Variants in CACNA1C observed in about 807,000 individuals in gnomAD.
The protein encoded by CACNA1C is voltage-dependent L-type calcium channel subunit alpha-1C.
A neutral mutation model predicts 229.0 loss-of-function variants in CACNA1C; 30 were observed. The observed-to-expected ratio is 0.13, with a 90% confidence interval of 0.10 to 0.18. The LOEUF is 0.18. Ranked by LOEUF, CACNA1C falls within the 10% of genes least tolerant of loss-of-function variation. The pLI, the probability that CACNA1C is intolerant of heterozygous loss-of-function variation, is 1.00. For synonymous variants in CACNA1C, 1,114 were observed against 1,132.5 expected (o/e 0.98, Z 0.33); for missense variants, 1,658 against 2,845.0 (o/e 0.58, Z 9.49).
chr12:2,414,911 G>T (rs1432397209), intron 3 of CACNA1C, among the ~76,000 whole-genome samples: 2 of 152,162 alleles, frequency 1.3e-5, no homozygotes, highest in African/African-American at 4.8e-5. Context: ...CTGGCCCAAA[G>T]GCCAGTTCTT....
chr12:2,624,196 G>A (rs1363232495), intron 29 of CACNA1C, among the ~76,000 whole-genome samples: 1 of 152,206 alleles, frequency 6.6e-6, no homozygotes, highest in African/African-American at 2.4e-5. Flanking sequence ...GTGTTCTACA[G>A]AACACAGTTC....
At chr12:2,120,616 T>C (rs562683654) in intron 3 of CACNA1C, among the ~76,000 whole-genome samples, 186 bp downstream of exon 3, 322 of 152,060 alleles carry the variant, frequency 2.1e-3, no homozygotes, top group Non-Finnish European at 3.5e-3. Flanking sequence ...CATTCCGGCC[T>C]GTTTTCCAAA....
At chr12:2,327,515 G>A (rs2096369727) in intron 3 of CACNA1C, among the ~76,000 whole-genome samples, 1 of 152,168 alleles carries the variant, frequency 6.6e-6, no homozygotes, top group South Asian at 2.1e-4. Flanking sequence ...CATTCACTGT[G>A]GTCCACGGTA....
chr12:2,251,126 G>T (rs1389487241), intron 3 of CACNA1C, among the ~76,000 whole-genome samples: 1 of 152,206 alleles, frequency 6.6e-6, no homozygotes, highest in Non-Finnish European at 1.5e-5. Flanking sequence ...TGATCATTTA[G>T]TTTCTGTCAT....
chr12:2,521,293 G>C (rs1183298429), intron 9 of CACNA1C, among the ~76,000 whole-genome samples: 1 of 152,216 alleles, frequency 6.6e-6, no homozygotes, highest in East Asian at 1.9e-4. Context: ...AGGCCACACT[G>C]TGGTTTTGGA....
At chr12:2,598,691 T>C (rs1192650072) in intron 21 of CACNA1C, among the ~76,000 whole-genome samples, 14 of 152,202 alleles carry the variant, frequency 9.2e-5, no homozygotes. Flanking sequence ...CCTTCCCTGA[T>C]GAGACTCCCT....
At chr12:2,194,984 T>C (rs2097357573) in intron 3 of CACNA1C, among the ~76,000 whole-genome samples, 2 of 152,226 alleles carry the variant, frequency 1.3e-5, no homozygotes, top group African/African-American at 4.8e-5. Context: ...TATGATGGGA[T>C]CTGGTAGAAA....
intron 3 of CACNA1C, among the ~76,000 whole-genome samples, chr12:2,169,484 A>G (rs1473939269): frequency 1.3e-5 from 2 of 152,218 alleles, no homozygotes; most frequent in East Asian, 3.9e-4. Context: ...GCACCTGCTC[A>G]TGCCCCTTCC....
chr12:2,043,965 T>G (rs1055224007), intron 1 of CACNA1C, among the ~76,000 whole-genome samples: 1 of 152,192 alleles, frequency 6.6e-6, no homozygotes. Context: ...AAAAACAGAA[T>G]ATTCTTGCTA....
At chr12:2,036,088 C>T (rs748063656) in intron 1 of CACNA1C, among the ~76,000 whole-genome samples, 6 of 152,332 alleles carry the variant, frequency 3.9e-5, no homozygotes, top group Non-Finnish European at 7.3e-5. Context: ...TTCCCAAGGA[C>T]TTCTCAAATG....
chr12:2,688,355 G>A (rs2097636183), intron 45 of CACNA1C, 92 bp from the exon 46 acceptor site: 2 of 1,183,088 alleles, frequency 1.7e-6, no homozygotes, highest in Non-Finnish European at 1.3e-6. Context: ...GCTGGACACA[G>A]CAGCTGCAAA....
chr12:2,383,037 TA>T (rs2098288722), intron 3 of CACNA1C, among the ~76,000 whole-genome samples: 1 of 152,182 alleles, frequency 6.6e-6, no homozygotes, highest in South Asian at 2.1e-4. Flanking sequence ...CAGCTGGAAC[TA>T]GTTTGTAATC....
intron 3 of CACNA1C, among the ~76,000 whole-genome samples, chr12:2,357,591 G>T (rs1191572848): frequency 6.6e-6 from 1 of 150,990 alleles, no homozygotes; most frequent in African/African-American, 2.4e-5. Context: ...TTGGGCCAGG[G>T]TTTAGGATTG....
intron 3 of CACNA1C, among the ~76,000 whole-genome samples, chr12:2,188,397 C>G (rs886930759): frequency 6.6e-6 from 1 of 152,076 alleles, no homozygotes; most frequent in Non-Finnish European, 1.5e-5. Context: ...CTAGTTGGCA[C>G]AATGTTAATT....
intron 37 of CACNA1C, among the ~76,000 whole-genome samples, chr12:2,667,469 C>T (rs141992081): frequency 1.9e-3 from 286 of 152,336 alleles, no homozygotes; most frequent in African/African-American, 6.6e-3. Context: ...GAACATAGAA[C>T]CTTCTACTTG....
chr12:2,014,072 G>T (rs1018531718), intron 1 of CACNA1C, among the ~76,000 whole-genome samples: 1 of 152,102 alleles, frequency 6.6e-6, no homozygotes, highest in Non-Finnish European at 1.5e-5. Flanking sequence ...TTCCCCTGCT[G>T]CTATGGAGAC....
intron 13 of CACNA1C, among the ~76,000 whole-genome samples, chr12:2,573,005 T>TCTCCTCCTC (rs879365901): frequency 3.9e-3 from 553 of 141,836 alleles, no homozygotes; most frequent in Non-Finnish European, 7.0e-3. Context: ...TCCTCCTTCT[T>TCTCCTCCTC]CTCCTCCTCC....
upstream of CACNA1C, among the ~76,000 whole-genome samples, chr12:2,052,155 GAGTTGCAGA>G (rs1328094294): frequency 3.3e-5 from 5 of 152,288 alleles, no homozygotes; most frequent in Non-Finnish European, 5.9e-5. Flanking sequence ...ATTCCTGCCG[GAGTTGCAGA>G]AATAATTAAG....
At chr12:2,573,610 C>A (rs2057255962) in intron 13 of CACNA1C, among the ~76,000 whole-genome samples, 1 of 152,210 alleles carries the variant, frequency 6.6e-6, no homozygotes, top group Non-Finnish European at 1.5e-5. Flanking sequence ...TTCCCTCACC[C>A]AGGACCCATG....
Sources: gnomAD v4.1 joint callset for allele counts (sites outside exome capture counted in the v4.1 genomes callset) on GRCh38, gnomAD v4.1.1 for gene constraint, MANE v1.5 for transcripts, NCBI Gene and HGNC (gene_info 2026-07-23, HGNC 2026-07-21) for gene names.